Variants in GLRA1 observed in about 807,000 individuals in gnomAD.
GLRA1 encodes glycine receptor alpha 1.
Under a neutral mutation model 48.3 loss-of-function variants are expected in GLRA1, and 37 were observed. That is an observed-to-expected ratio of 0.77 (90% CI 0.59 to 1.01). GLRA1 has a LOEUF of 1.01. Among genes scored for constraint, GLRA1 ranks in the 50% least tolerant of loss-of-function variants. The pLI is 0.00. For synonymous variants in GLRA1, 196 were observed against 210.7 expected (o/e 0.93, Z 0.60); for missense variants, 427 against 571.0 (o/e 0.75, Z 2.57).
intron 8 of GLRA1, among the ~76,000 whole-genome samples, chr5:151,826,918 T>C (rs1218416093): frequency 2.0e-5 from 3 of 152,186 alleles, no homozygotes; most frequent in Non-Finnish European, 4.4e-5. Flanking sequence ...TCAGTGTTTT[T>C]AACAAATGTC....
chr5:151,893,282 A>AACTT lies in GLRA1; in HGVS notation c.57-848_57-845dup, dbSNP rs1461467061. ...TAAGAACATGACCCTCCCTCTGCCC[A>AACTT]ACTTTCTTTCTTTCTTTCTTTCTTT... is the stretch of plus-strand genomic sequence containing the variant. On this transcript the variant is annotated intron_variant, in intron 1 of 8. Coordinates refer to ENST00000274576, the MANE Select transcript of GLRA1 (RefSeq NM_000171.4). Among the ~76,000 whole-genome samples the AACTT allele has an allele frequency of 3.5e-4, 47 of 133,050 alleles. 1 individual carries two copies. Among genetic ancestry groups the AACTT allele is most frequent in the African/African-American group, 7.0e-4 (25 of 35,958 alleles). 87.3% of individuals were successfully genotyped at this position (133,050 alleles called of 152,430 possible).
chr5:151,822,688 G>T lies in GLRA1; in HGVS notation c.1335C>A (p.Asp445Glu). 1 of 1,612,474 alleles carries T rather than the reference G, an allele frequency of 6.2e-7. No homozygotes were observed. The highest frequency in any genetic ancestry group is 8.5e-7 in the Non-Finnish European group (1 of 1,178,624). Residue 445 changes from aspartate (D) to glutamate (E), a missense_variant, in exon 9 of 9, where the codon GAC becomes GAA. By Grantham distance (45) the Asp-to-Glu change is conservative. Coordinates refer to ENST00000274576, the MANE Select transcript of GLRA1 (RefSeq NM_000171.4). ...WIIYKIVRRE[D>E]VHNQ ...TTCAGACCCTTCACTGGTTGTGGAC[G>T]TCCTCTCTACGGACAATCTTGTAGA...
At chr5:151,848,988 G>A (rs1752759900) in intron 7 of GLRA1, 3 of 696,114 alleles carry the variant, frequency 4.3e-6, no homozygotes, top group Non-Finnish European at 8.1e-6. Context: ...TGGATCGATG[G>A]TACTGGAGAA....
At chr5:151,834,843 C>T (rs1226582736) in intron 7 of GLRA1, among the ~76,000 whole-genome samples, 3 of 151,062 alleles carry the variant, frequency 2.0e-5, no homozygotes, top group East Asian at 1.9e-4. Flanking sequence ...CTGGCTAACA[C>T]GATGAAACCC....
chr5:151,849,239 T>G (rs1752805131), intron 7 of GLRA1, among the ~76,000 whole-genome samples: 1 of 102,458 alleles, frequency 9.8e-6, no homozygotes, highest in South Asian at 3.6e-4. Flanking sequence ...CCTTCCTTCC[T>G]TCCTTCCTTC....
At position 151,822,783 on chromosome 5, in the gene GLRA1, T is replaced by C; in HGVS notation, c.1240A>G (p.Lys414Glu). The change falls in exon 9 of 9, where the codon AAG (lysine) becomes GAG (glutamate). Residue 414 changes from lysine (K) to glutamate (E), a missense_variant. Coordinates refer to ENST00000274576, the MANE Select transcript of GLRA1 (RefSeq NM_000171.4). ...MRKLFIQRAK[K>E]IDKISRIGFP... ...CCAATGCGGGATATTTTGTCGATCT[T>C]CTTGGCCCTCTGGATGAAGAGTTTT... 2 of 1,614,066 alleles carry C rather than the reference T, an allele frequency of 1.2e-6. No homozygotes were observed. The highest frequency in any genetic ancestry group is 1.7e-6 in the Non-Finnish European group (2 of 1,179,960).
chr5:151,874,479 A>T (rs1222985307), intron 3 of GLRA1, among the ~76,000 whole-genome samples: 2 of 152,116 alleles, frequency 1.3e-5, no homozygotes, highest in African/African-American at 2.4e-5. Context: ...CTGACAACAG[A>T]TGGGGGTGTG....
intron 1 of GLRA1, among the ~76,000 whole-genome samples, chr5:151,914,160 C>T (rs1371898055): frequency 6.6e-6 from 1 of 152,150 alleles, no homozygotes; most frequent in Non-Finnish European, 1.5e-5. Flanking sequence ...TTCTTTTTCT[C>T]TAATAGCAAT....
At chr5:151,879,830 G>A (rs576736053) in intron 3 of GLRA1, among the ~76,000 whole-genome samples, 3 of 152,308 alleles carry the variant, frequency 2.0e-5, no homozygotes, top group South Asian at 4.2e-4. Context: ...GGGGCCAGGA[G>A]CGGAATGATA....
chr5:151,868,925 A>T (rs1753406270), intron 3 of GLRA1, among the ~76,000 whole-genome samples: 1 of 152,104 alleles, frequency 6.6e-6, no homozygotes, highest in African/African-American at 2.4e-5. Flanking sequence ...TCTCATTTAG[A>T]TATCACACAA....
chr5:151,851,546 C>G lies in GLRA1; in HGVS notation c.756G>C (p.Leu252=), dbSNP rs1581616784. Residue 252 remains leucine (L), a synonymous_variant, in exon 7 of 9, where the codon CTG becomes CTC. Transcript: ENST00000274576. ...GCAGGCTGGGAATATACATCTGAATCAGGTAGTAACCCATCTGCCGCTCCA... is the reference window on the plus strand; with the variant it reads ...GCAGGCTGGGAATATACATCTGAATGAGGTAGTAACCCATCTGCCGCTCCA... The part of the protein sequence containing the change: ...FHLERQMGYY[L]IQMYIPSLLI... 1.9e-6 allele frequency: 3 copies of G among 1,614,080 alleles called. No homozygotes were observed. Among genetic ancestry groups the G allele is most frequent in the Non-Finnish European group, 2.5e-6 (3 of 1,179,938 alleles).
chr5:151,894,026 T>G (rs1272804889), intron 1 of GLRA1, among the ~76,000 whole-genome samples: 4 of 152,204 alleles, frequency 2.6e-5, no homozygotes, highest in Non-Finnish European at 5.9e-5. Context: ...TTTGGGCAAC[T>G]GAGCTTTCCT....
At chr5:151,923,952 C>T (rs1015472185) in intron 1 of GLRA1, among the ~76,000 whole-genome samples, 12 of 152,124 alleles carry the variant, frequency 7.9e-5, no homozygotes, top group Non-Finnish European at 1.3e-4. Context: ...TAATCCCCCT[C>T]CCTCTTCGCA....
intron 1 of GLRA1, among the ~76,000 whole-genome samples, chr5:151,915,135 C>T (rs2113458345): frequency 6.6e-6 from 1 of 152,212 alleles, no homozygotes; most frequent in African/African-American, 2.4e-5. Flanking sequence ...TATAATAGAA[C>T]ATAATAGTAT....
At chr5:151,912,142 G>A (rs1754629807) in intron 1 of GLRA1, among the ~76,000 whole-genome samples, 1 of 151,746 alleles carries the variant, frequency 6.6e-6, no homozygotes, top group Non-Finnish European at 1.5e-5. Context: ...TTTCTGGGCC[G>A]TATCACCTCC....
rs139789886 is a variant in GLRA1 at position 151,862,015 on chromosome 5, A to G, written c.253-2007T>C. 1.4e-3 allele frequency among the ~76,000 whole-genome samples: 207 copies of G among 152,332 alleles called. 2 individuals are homozygous for G. In the East Asian group the frequency reaches 0.014, roughly 11 times the overall value. On this transcript the variant is annotated intron_variant, in intron 3 of 8. Coordinates refer to ENST00000274576, the MANE Select transcript of GLRA1 (RefSeq NM_000171.4). ...AGAACAAAGCTGGAGGCATCACGCT[A>G]CCTGACTTCAAACTATACTATAAGA...
intron 7 of GLRA1, among the ~76,000 whole-genome samples, chr5:151,840,344 C>T (rs1446194717): frequency 6.6e-6 from 1 of 152,128 alleles, no homozygotes; most frequent in African/African-American, 2.4e-5. Flanking sequence ...AGCAACCTAC[C>T]TGCCTCAGCC....
chr5:151,920,242 A>T (rs949978672), intron 1 of GLRA1, among the ~76,000 whole-genome samples: 1 of 152,232 alleles, frequency 6.6e-6, no homozygotes, highest in Non-Finnish European at 1.5e-5. Context: ...GAGAGAATGT[A>T]GAAGTGTCAG....
chr5:151,915,430 G>T (rs955272001), intron 1 of GLRA1, among the ~76,000 whole-genome samples: 3 of 152,044 alleles, frequency 2.0e-5, no homozygotes, highest in Non-Finnish European at 4.4e-5. Context: ...TAAAGTTGTA[G>T]GTACACTGTA....
Sources: gnomAD v4.1 joint callset for allele counts (sites outside exome capture counted in the v4.1 genomes callset) on GRCh38, gnomAD v4.1.1 for gene constraint, MANE v1.5 for transcripts, NCBI Gene and HGNC (gene_info 2026-07-23, HGNC 2026-07-21) for gene names.